LRRC37A2: variants seen among roughly 807,000 people sequenced by gnomAD.
The protein encoded by LRRC37A2 is leucine rich repeat containing 37 member A2, also known as leucine-rich repeat-containing protein 37A2.
A neutral mutation model predicts 68.8 loss-of-function variants in LRRC37A2; 9 were observed. The ratio of observed to expected loss-of-function variants is 0.13; its 90% CI spans 0.08 to 0.23. The LOEUF (loss-of-function observed/expected upper bound fraction) is 0.23. Ranked by LOEUF, LRRC37A2 falls within the 10% of genes least tolerant of loss-of-function variation. The pLI, the probability that LRRC37A2 is intolerant of heterozygous loss-of-function variation, is 1.00. For missense variants in LRRC37A2, 168 were observed against 950.4 expected (o/e 0.18, Z 10.82); for synonymous variants, 63 against 367.6 (o/e 0.17, Z 9.48).
At chr17:46,548,981 T>C (rs62073349) in exon 10 of LRRC37A2, 272,609 of 1,610,260 alleles carry the variant, frequency 0.17, 1 homozygote, top group Non-Finnish European at 0.2. Flanking sequence ...GCTATTTCCA[T>C]TTTAGAAAGT....
the LRRC37A2 span, among the ~76,000 whole-genome samples, chr17:46,961,922 A>G: frequency 2.6e-5 from 4 of 152,352 alleles, no homozygotes; most frequent in Non-Finnish European, 4.4e-5. Context: ...GGGCTGACCA[A>G]TGATTCCAAA....
At position 46,548,677 on chromosome 17, in the gene LRRC37A2, A is replaced by C. The variant is rs755167667; in HGVS notation, c.3538A>C (p.Lys1180Gln). 3.7e-6 allele frequency: 6 copies of C among 1,608,110 alleles called. No individual in the cohort carries two copies. In the East Asian group the frequency reaches 1.1e-4, roughly 30 times the overall value. The change falls in exon 10 of 15, where the codon AAA (lysine) becomes CAA (glutamine). Residue 1180 changes from lysine (K) to glutamine (Q), a missense_variant. Coordinates refer to ENST00000576629, the Ensembl canonical transcript of LRRC37A2. ...AAGGAGCATCCAGAAAAGGCACTTC[A>C]AAGAGGTAGGAAGGCAGAGCATCAG...
chr17:46,944,537 C>T, the LRRC37A2 span, among the ~76,000 whole-genome samples: 3 of 152,186 alleles, frequency 2.0e-5, no homozygotes, highest in Admixed American at 1.3e-4. Flanking sequence ...AGTCCCGATT[C>T]TGGGCCTCGC....
the LRRC37A2 span, chr17:47,019,689 C>T: frequency 1.6e-5 from 21 of 1,340,694 alleles, no homozygotes; most frequent in Non-Finnish European, 2.2e-5. Flanking sequence ...CATATGTGAG[C>T]TCTGTACCTG....
At chr17:46,865,477 G>A in the LRRC37A2 span, among the ~76,000 whole-genome samples, 243 of 152,286 alleles carry the variant, frequency 1.6e-3, no homozygotes, top group African/African-American at 5.5e-3. Context: ...AGTCCTCAGG[G>A]TGGGTTCATG....
the LRRC37A2 span, among the ~76,000 whole-genome samples, chr17:46,850,725 G>A: frequency 5.9e-5 from 9 of 152,102 alleles, no homozygotes; most frequent in African/African-American, 2.2e-4. Flanking sequence ...GCAGAAATTG[G>A]GGTTAAACTT....
the LRRC37A2 span, among the ~76,000 whole-genome samples, chr17:46,892,898 G>A: frequency 3.9e-5 from 6 of 152,038 alleles, no homozygotes; most frequent in Non-Finnish European, 7.4e-5. Context: ...ACTGCAGAGT[G>A]CTGGCTTATG....
chr17:47,019,541 G>C, the LRRC37A2 span: 1 of 1,503,872 alleles, frequency 6.6e-7, no homozygotes, highest in South Asian at 1.1e-5. Flanking sequence ...TTCAGACTCT[G>C]CATCGAAAAC....
At chr17:46,956,109 A>G in the LRRC37A2 span, among the ~76,000 whole-genome samples, 2 of 152,128 alleles carry the variant, frequency 1.3e-5, no homozygotes, top group Admixed American at 6.6e-5. Context: ...AGCAGTTAGC[A>G]GGAGGGTCCA....
chr17:46,421,092 C>A, the LRRC37A2 span, among the ~76,000 whole-genome samples: 2 of 77,630 alleles, frequency 2.6e-5, no homozygotes, highest in East Asian at 4.6e-4. Flanking sequence ...AGCCACCATG[C>A]CCAACCATTT....
At chr17:46,839,776 G>A in the LRRC37A2 span, among the ~76,000 whole-genome samples, 2 of 152,058 alleles carry the variant, frequency 1.3e-5, no homozygotes, top group Non-Finnish European at 2.9e-5. Flanking sequence ...AACATGCAGT[G>A]TTTGGTTTTC....
the LRRC37A2 span, among the ~76,000 whole-genome samples, chr17:46,779,212 C>T: frequency 2.0e-5 from 3 of 152,174 alleles, no homozygotes; most frequent in Admixed American, 2.0e-4. Context: ...GCCCCTCACT[C>T]GCCAGACCTC....
chr17:47,002,154 G>A, the LRRC37A2 span, among the ~76,000 whole-genome samples: 4 of 152,022 alleles, frequency 2.6e-5, no homozygotes, highest in South Asian at 6.2e-4. Flanking sequence ...TAATTATTTT[G>A]AGATGTATCC....
At chr17:46,882,978 G>T in the LRRC37A2 span, among the ~76,000 whole-genome samples, 3 of 151,764 alleles carry the variant, frequency 2.0e-5, no homozygotes, top group Non-Finnish European at 4.4e-5. Context: ...ATACAACCAT[G>T]ATCCCCATTT....
chr17:46,787,309 G>A, the LRRC37A2 span, among the ~76,000 whole-genome samples: 2 of 151,876 alleles, frequency 1.3e-5, no homozygotes, highest in African/African-American at 2.4e-5. Context: ...GGGCGGGGGC[G>A]GGGGAACAAT....
the LRRC37A2 span, among the ~76,000 whole-genome samples, chr17:46,965,253 G>T: frequency 4.7e-4 from 71 of 152,330 alleles, no homozygotes; most frequent in African/African-American, 1.4e-3. Flanking sequence ...AGTCTTTACA[G>T]CTAGTGCATC....
the LRRC37A2 span, among the ~76,000 whole-genome samples, chr17:46,746,450 T>G: frequency 1.2e-4 from 18 of 152,216 alleles, no homozygotes; most frequent in Non-Finnish European, 2.6e-4. Flanking sequence ...GTATAATGTT[T>G]ACCAAACCCA....
chr17:46,895,352 G>C, the LRRC37A2 span, among the ~76,000 whole-genome samples: 2 of 152,248 alleles, frequency 1.3e-5, no homozygotes, highest in Non-Finnish European at 2.9e-5. Flanking sequence ...AACCATGCAG[G>C]CTCAGGAGCT....
At chr17:46,752,924 T>G in the LRRC37A2 span, among the ~76,000 whole-genome samples, 1 of 152,058 alleles carries the variant, frequency 6.6e-6, no homozygotes, top group Admixed American at 6.6e-5. Context: ...CCACCCACCA[T>G]GCCTGGCTAA....
Sources: gnomAD v4.1 joint callset for allele counts (sites outside exome capture counted in the v4.1 genomes callset) on GRCh38, gnomAD v4.1.1 for gene constraint, MANE v1.5 for transcripts, NCBI Gene and HGNC (gene_info 2026-07-23, HGNC 2026-07-21) for gene names.